Variants in ATP8A1 observed in about 807,000 individuals in gnomAD.
ATP8A1 encodes the protein phospholipid-transporting ATPase IA.
A neutral mutation model predicts 177.7 loss-of-function variants in ATP8A1; 90 were observed. The ratio of observed to expected loss-of-function variants is 0.51; its 90% CI spans 0.43 to 0.60. The LOEUF is 0.60. ATP8A1 is among the 20% of genes least tolerant of loss of function. The pLI, the probability that ATP8A1 is intolerant of heterozygous loss-of-function variation, is 0.00. For missense variants in ATP8A1, 1,072 were observed against 1,392.8 expected, an observed-to-expected ratio of 0.77 and a Z score of 3.67; for synonymous variants, 493 against 485.9, an observed-to-expected ratio of 1.01 and a Z score of -0.19.
chr4:42,544,534 A>G (rs539835933), intron 19 of ATP8A1, among the ~76,000 whole-genome samples: 6 of 152,224 alleles, frequency 3.9e-5, no homozygotes, highest in Non-Finnish European at 8.8e-5. Flanking sequence ...ATGCAGCAAA[A>G]TTAAGCTAAA....
intron 22 of ATP8A1, among the ~76,000 whole-genome samples, chr4:42,508,273 T>C (rs1420771229): frequency 6.6e-6 from 1 of 152,134 alleles, no homozygotes; most frequent in Non-Finnish European, 1.5e-5. Context: ...GCTTGGATTA[T>C]AGGTACGTGC....
chr4:42,502,763 C>T (rs1221297197), intron 24 of ATP8A1, among the ~76,000 whole-genome samples: 1 of 152,178 alleles, frequency 6.6e-6, no homozygotes, highest in Non-Finnish European at 1.5e-5. Context: ...TTTCTCTGTT[C>T]TTTGCGTCAT....
Position 42,493,202 on chromosome 4 carries a change from C to T in ATP8A1, c.2152-7534G>A, listed in dbSNP as rs115919850. Among the ~76,000 whole-genome samples the T allele has an allele frequency of 5.5e-3, 845 of 152,280 alleles. 8 individuals are homozygous for T. Among genetic ancestry groups the T allele is most frequent in the African/African-American group, 0.018 (760 of 41,550 alleles). ...CTGATAACATTTGAAAATAAAATGA[C>T]GTCACACTGTAAAGAACTAAGTTCC... On this transcript the variant is annotated intron_variant, in intron 24 of 36. Transcript: ENST00000381668.
chr4:42,568,337 T>A (rs1332761605), intron 15 of ATP8A1, among the ~76,000 whole-genome samples: 4 of 152,230 alleles, frequency 2.6e-5, no homozygotes, highest in African/African-American at 9.6e-5. Context: ...AAATGTGGCT[T>A]CGTCACCAAA....
chr4:42,562,787 G>C (rs543189044), intron 15 of ATP8A1, among the ~76,000 whole-genome samples: 1 of 152,242 alleles, frequency 6.6e-6, no homozygotes, highest in South Asian at 2.1e-4. Flanking sequence ...TATTACAAGG[G>C]GGAGTTTTCC....
At chr4:42,548,607 A>G (rs1690860196) in intron 19 of ATP8A1, among the ~76,000 whole-genome samples, 1 of 152,120 alleles carries the variant, frequency 6.6e-6, no homozygotes, top group Non-Finnish European at 1.5e-5. Context: ...GTTGTTAACT[A>G]TAGTTACCCT....
At chr4:42,593,460 G>C (rs1245994158) in intron 6 of ATP8A1, among the ~76,000 whole-genome samples, 1 of 151,832 alleles carries the variant, frequency 6.6e-6, no homozygotes, top group East Asian at 1.9e-4. Context: ...TAAATATCTA[G>C]TATAAATACT....
At chr4:42,438,250 T>G (rs1716223975) in intron 33 of ATP8A1, among the ~76,000 whole-genome samples, 1 of 152,166 alleles carries the variant, frequency 6.6e-6, no homozygotes, top group Admixed American at 6.5e-5. Context: ...CTTCACTTTG[T>G]GTCTGTGAAA....
chr4:42,529,835 T>G (rs920645173), intron 20 of ATP8A1, among the ~76,000 whole-genome samples: 2 of 152,134 alleles, frequency 1.3e-5, no homozygotes, highest in Non-Finnish European at 2.9e-5. Flanking sequence ...GTTGTGCACT[T>G]TGCATGGAAA....
intron 1 of ATP8A1, among the ~76,000 whole-genome samples, chr4:42,636,508 T>C (rs542234707): frequency 6.6e-6 from 1 of 152,246 alleles, no homozygotes; most frequent in African/African-American, 2.4e-5. Flanking sequence ...TTTTCAAATA[T>C]GGCACTGAAG....
chr4:42,578,283 TA>T lies in ATP8A1; in HGVS notation c.1104del (p.Phe368LeufsTer7). 6.2e-7 allele frequency: 1 copy of T among 1,607,464 alleles called. No individual in the cohort carries two copies. Among genetic ancestry groups the T allele is most frequent in the Non-Finnish European group, 8.5e-7 (1 of 1,177,046 alleles). ...SLLVTLEVVK[F>X]TQAYFINWDL... ...ACCCAATTTATGAAGTATGCCTGGG[TA>T]AATTTCACAACTTCTAATGTAACCA... On this transcript the variant is annotated frameshift_variant, in exon 12 of 37. Coordinates refer to ENST00000381668, the MANE Select transcript of ATP8A1 (RefSeq NM_006095.2). LOFTEE classifies it high-confidence loss of function.
At chr4:42,549,887 T>C (rs1191035326) in intron 18 of ATP8A1, among the ~76,000 whole-genome samples, 2 of 152,316 alleles carry the variant, frequency 1.3e-5, no homozygotes, top group South Asian at 2.1e-4. Flanking sequence ...ATGAATACTG[T>C]ACAGGTAAAA....
chr4:42,496,835 T>C lies in ATP8A1; in HGVS notation c.2151+6615A>G, dbSNP rs568182101. Among the ~76,000 whole-genome samples the C allele has an allele frequency of 1.6e-3, 237 of 151,768 alleles. 1 individual carries two copies. Among genetic ancestry groups the C allele is most frequent in the Admixed American group, 2.8e-3 (42 of 15,220 alleles). On this transcript the variant is annotated intron_variant, in intron 24 of 36. Transcript: ENST00000381668. ...CCACACATATATACGTACATATATA[T>C]ACACACACACACAGTCAATAACATC...
rs376686282 is a variant in ATP8A1, at chr4:42,414,703, C to A, written c.3321G>T (p.Ala1107=). The A allele has an allele frequency of 1.2e-6, 2 of 1,613,812 alleles. No individual in the cohort carries two copies. Among genetic ancestry groups the A allele is most frequent in the Non-Finnish European group, 8.5e-7 (1 of 1,179,778 alleles). ...TCTTAAAGACGTTCTTGAGCAGTTG[C>A]GCCCTCTCGGTCAGGCTGCAGAGCA... ...VVLGKSLTER[A]QLLKNVFKKN... is the part of the protein sequence containing the mutation. Residue 1107 remains alanine (A), a synonymous_variant, in exon 36 of 37, where the codon GCG becomes GCT. Transcript: ENST00000381668.
intron 15 of ATP8A1, among the ~76,000 whole-genome samples, chr4:42,568,651 G>A (rs1260168700): frequency 2.0e-5 from 3 of 152,150 alleles, no homozygotes; most frequent in Non-Finnish European, 4.4e-5. Context: ...TGGTAGCATA[G>A]TTTTCTAACA....
chr4:42,467,705 G>A (rs551285632), intron 25 of ATP8A1, among the ~76,000 whole-genome samples: 3 of 152,222 alleles, frequency 2.0e-5, no homozygotes, highest in South Asian at 2.1e-4. Context: ...GAAAACAAAA[G>A]TGGATGACCC....
intron 25 of ATP8A1, among the ~76,000 whole-genome samples, chr4:42,479,563 C>T (rs1031248729): frequency 1.3e-5 from 2 of 152,180 alleles, no homozygotes; most frequent in African/African-American, 4.8e-5. Flanking sequence ...CGTAAGCAAT[C>T]CATTAGGCAG....
rs760187113 is a variant in ATP8A1 at position 42,544,028 on chromosome 4, G to T, written c.1653-42C>A. ...TTGCATAATGTGTCATCATACCAAG[G>T]ATATGCATGTATGTGTTTGTCATGC... On this transcript the variant is annotated intron_variant, in intron 19 of 36. Coordinates refer to ENST00000381668, the MANE Select transcript of ATP8A1 (RefSeq NM_006095.2). 5.4e-6 allele frequency: 8 copies of T among 1,481,664 alleles called. No individual in the cohort carries two copies. The Admixed American group carries it at 7.0e-5, about 13-fold the overall frequency. 91.8% of individuals were successfully genotyped at this position (1,481,664 alleles called of 1,614,324 possible).
At chr4:42,628,107 C>G (rs1738309037) in intron 1 of ATP8A1, among the ~76,000 whole-genome samples, 1 of 152,140 alleles carries the variant, frequency 6.6e-6, no homozygotes, top group South Asian at 2.1e-4. Context: ...CTTCTCAACA[C>G]CAGTGCCAAC....
Sources: allele counts gnomAD v4.1 joint callset (sites outside exome capture counted in the v4.1 genomes callset), GRCh38; gene constraint gnomAD v4.1.1; transcripts MANE v1.5; gene names NCBI Gene and HGNC (gene_info 2026-07-23, HGNC 2026-07-21).